Variants in TMEM169 observed in about 807,000 individuals in gnomAD.
TMEM169 encodes transmembrane protein 169.
A neutral mutation model predicts 27.3 loss-of-function variants in TMEM169; 18 were observed. The ratio of observed to expected loss-of-function variants is 0.66; its 90% confidence interval spans 0.46 to 0.98. The LOEUF (loss-of-function observed/expected upper bound fraction) is 0.98. Among genes scored for constraint, TMEM169 ranks in the 50% least tolerant of loss-of-function variants. The pLI is 0.00. For missense variants in TMEM169, 320 were observed against 368.6 expected (o/e 0.87, Z 1.08); for synonymous variants, 136 against 142.1 (o/e 0.96, Z 0.30).
In TMEM169 at chr2:216,099,728, G is replaced by A. The variant is rs1257962559; in HGVS notation, c.272-192G>A. Among the ~76,000 whole-genome samples the A allele has an allele frequency of 6.6e-6, 1 of 152,102 alleles. No individual in the cohort carries two copies. Among genetic ancestry groups the A allele is most frequent in the Non-Finnish European group, 1.5e-5 (1 of 67,994 alleles). On this transcript the variant is annotated intron_variant, in intron 2 of 2. Transcript: ENST00000437356. This position sits in a 1 kb window ranked among gnomAD's most constrained non-coding sequence, Gnocchi z 5.0. The stretch of plus-strand genomic sequence containing the variant: ...GGCACAAGGACTGAGAGTTCATGTG[G>A]GAGCAATAACACCAGTGGTCACTCT...
intron 1 of TMEM169, among the ~76,000 whole-genome samples, chr2:216,094,724 G>A (rs559736899): frequency 1.3e-5 from 2 of 152,288 alleles, no homozygotes; most frequent in East Asian, 1.9e-4. Flanking sequence ...CCCAGGCTAT[G>A]AGAATCTGCA....
At chr2:216,096,348 T>C in intron 2 of TMEM169, 114 bp downstream of exon 2, 1 of 1,224,132 alleles carries the variant, frequency 8.2e-7, no homozygotes, top group Non-Finnish European at 1.1e-6. Flanking sequence ...ATACATTTCT[T>C]CTTGCAATAT....
intron 2 of TMEM169, among the ~76,000 whole-genome samples, chr2:216,098,056 G>T (rs1045983790): frequency 6.6e-6 from 1 of 151,950 alleles, no homozygotes; most frequent in Non-Finnish European, 1.5e-5. Context: ...AGGGAGGATG[G>T]TGAGAGGAGG....
In TMEM169 at chr2:216,101,932, G is replaced by C. The variant is rs540054396; in HGVS notation, c.*1390G>C. On this transcript the variant is annotated 3_prime_UTR_variant, in exon 3 of 3. Coordinates refer to ENST00000437356, the MANE Select transcript of TMEM169 (RefSeq NM_001142311.2). ...ATCTTACACAGAGAATTTATATATA[G>C]ATATTAGCTACATATACTTTGAATA... 2.2e-4 allele frequency: 34 copies of C among 151,688 alleles called. No homozygotes were observed. The highest frequency in any genetic ancestry group is 4.0e-4 in the Non-Finnish European group (27 of 67,922). The allele number at this position is 151,688 out of a possible 1,614,324, so 9.4% of individuals were successfully genotyped here. A position where few individuals can be genotyped will look rare whatever the true frequency, so the allele number is the denominator to read the frequency against.
chr2:216,083,797 G>A (rs1317362014), intron 1 of TMEM169, among the ~76,000 whole-genome samples: 1 of 152,202 alleles, frequency 6.6e-6, no homozygotes, highest in Non-Finnish European at 1.5e-5. Flanking sequence ...GCGATCTTTT[G>A]TTTAAAATTA....
rs370682778 is a variant in TMEM169 at position 216,092,475 on chromosome 2, A to G, written c.-126-3363A>G. ...TTTTTAATGTTTATAAGGCCCATTA[A>G]TAAGGGTCATCATCTCCATGCATGT... On this transcript the variant is annotated intron_variant, in intron 1 of 2. Coordinates refer to ENST00000437356, the MANE Select transcript of TMEM169 (RefSeq NM_001142311.2). 3.9e-4 allele frequency among the ~76,000 whole-genome samples: 59 copies of G among 152,224 alleles called. No individual in the cohort carries two copies. The South Asian group carries it at 0.012, about 30-fold the overall frequency.
chr2:216,101,485 T>G lies in TMEM169; in HGVS notation c.*943T>G, dbSNP rs952660846. The G allele has an allele frequency of 6.6e-6, 1 of 152,332 alleles. No homozygotes were observed. The highest frequency in any genetic ancestry group is 2.4e-5 in the African/African-American group (1 of 41,462). The allele number at this position is 152,332 out of a possible 1,614,324, so 9.4% of individuals were successfully genotyped here. The stretch of plus-strand genomic sequence containing the variant: ...ATTTGGGTTTTGTTTTGTTTTGTTT[T>G]GTTTCGCTTTAGAGACGGAGTCTCA... On this transcript the variant is annotated 3_prime_UTR_variant, in exon 3 of 3. Transcript: ENST00000437356.
intron 2 of TMEM169, 75 bp downstream of exon 2, chr2:216,096,309 T>C: frequency 6.7e-7 from 1 of 1,483,724 alleles, no homozygotes; most frequent in Non-Finnish European, 9.2e-7. Context: ...CAGACAGGCA[T>C]ATGCTCACTG....
intron 2 of TMEM169, 70 bp downstream of exon 2, chr2:216,096,304 A>G: frequency 6.6e-7 from 1 of 1,514,880 alleles, no homozygotes; most frequent in Non-Finnish European, 9.0e-7. Flanking sequence ...CAGAACAGAC[A>G]GGCATATGCT....
At chr2:216,090,533 A>G (rs1696098520) in intron 1 of TMEM169, among the ~76,000 whole-genome samples, 1 of 152,202 alleles carries the variant, frequency 6.6e-6, no homozygotes, top group Non-Finnish European at 1.5e-5. Context: ...AAACCAGCTA[A>G]GCCACTCTCA....
intron 2 of TMEM169, among the ~76,000 whole-genome samples, chr2:216,097,856 G>T (rs796160644): frequency 3.3e-5 from 5 of 152,294 alleles, no homozygotes; most frequent in African/African-American, 9.6e-5. Context: ...AGACTGCATG[G>T]TTGTGAAAGG....
Position 216,100,508 on chromosome 2 carries a change from AC to A in TMEM169, c.864del (p.Ile289SerfsTer4). ...DNISSTLSNK[D>X]PIQEVETSTV ...ATCTCAAGCACTCTCTCCAACAAGGACCCCATCCAAGAAGTAGAAACCTCCA... is the reference window on the plus strand; with the variant it reads ...ATCTCAAGCACTCTCTCCAACAAGGACCCATCCAAGAAGTAGAAACCTCCA... On this transcript the variant is annotated frameshift_variant, in exon 3 of 3. Coordinates refer to ENST00000437356, the MANE Select transcript of TMEM169 (RefSeq NM_001142311.2). LOFTEE classifies it high-confidence loss of function. 1 of 1,613,924 alleles carries A rather than the reference AC, an allele frequency of 6.2e-7. No individual in the cohort carries two copies. Among genetic ancestry groups the A allele is most frequent in the Non-Finnish European group, 8.5e-7 (1 of 1,179,994 alleles).
At chr2:216,087,336 T>C (rs923125133) in intron 1 of TMEM169, among the ~76,000 whole-genome samples, 6 of 152,162 alleles carry the variant, frequency 3.9e-5, no homozygotes, top group African/African-American at 1.2e-4. Flanking sequence ...TAAAAAATGG[T>C]AGAGGAATGT....
At chr2:216,093,201 C>A (rs1696180511) in intron 1 of TMEM169, among the ~76,000 whole-genome samples, 1 of 150,770 alleles carries the variant, frequency 6.6e-6, no homozygotes, top group South Asian at 2.1e-4. Context: ...GGATTGCATT[C>A]AGCCTCCCCA....
chr2:216,093,000 T>C (rs907718408), intron 1 of TMEM169, among the ~76,000 whole-genome samples: 1 of 152,110 alleles, frequency 6.6e-6, no homozygotes, highest in African/African-American at 2.4e-5. Flanking sequence ...GTATTAAACA[T>C]AGACACTTAG....
chr2:216,087,401 T>C (rs1696030825), intron 1 of TMEM169, among the ~76,000 whole-genome samples: 1 of 152,346 alleles, frequency 6.6e-6, no homozygotes, highest in South Asian at 2.1e-4. Flanking sequence ...GGCTGTATTC[T>C]GGCATATGGT....
intron 1 of TMEM169, among the ~76,000 whole-genome samples, chr2:216,093,995 T>C (rs1056566019): frequency 3.9e-5 from 6 of 152,112 alleles, no homozygotes; most frequent in Non-Finnish European, 8.8e-5. Flanking sequence ...ACACTAGACA[T>C]TGGGAACATT....
chr2:216,094,255 ATT>A (rs953225234), intron 1 of TMEM169, among the ~76,000 whole-genome samples: 6 of 152,120 alleles, frequency 3.9e-5, no homozygotes, highest in African/African-American at 1.4e-4. Context: ...AAAGTGGGGA[ATT>A]TTTTGGTAAA....
rs938976305 is a variant in TMEM169, at chr2:216,099,236, T to A, written c.272-684T>A. On this transcript the variant is annotated intron_variant, in intron 2 of 2. Transcript: ENST00000437356. This position sits in a 1 kb window ranked among gnomAD's most constrained non-coding sequence, Gnocchi z 5.0. ...TATGTATGGTGTTTGGTATATGTGGTGTGGGTATGTGGTGTGTATGTGGTA... is the reference window on the plus strand; with the variant it reads ...TATGTATGGTGTTTGGTATATGTGGAGTGGGTATGTGGTGTGTATGTGGTA... Among the ~76,000 whole-genome samples the A allele has an allele frequency of 6.6e-6, 1 of 150,726 alleles. No homozygotes were observed. Among genetic ancestry groups the A allele is most frequent in the Non-Finnish European group, 1.5e-5 (1 of 67,528 alleles).
Sources: gnomAD v4.1 joint callset for allele counts (sites outside exome capture counted in the v4.1 genomes callset) on GRCh38, gnomAD v4.1.1 for gene constraint, Gnocchi (gnomAD v3.1) non-coding constraint, MANE v1.5 for transcripts, NCBI Gene and HGNC (gene_info 2026-07-23, HGNC 2026-07-21) for gene names.